PDZD2: variants seen among roughly 807,000 people sequenced by gnomAD.
PDZD2 encodes PDZ domain containing 2.
In PDZD2, 90 loss-of-function variants were observed where a neutral mutation model predicts 220.7. That is an observed-to-expected ratio of 0.41 (90% CI 0.34 to 0.49). The LOEUF is 0.49. Among genes scored for constraint, PDZD2 ranks in the 20% least tolerant of loss-of-function variants. The pLI is 0.28. For missense variants in PDZD2, 3,174 were observed against 3,608.5 expected, an observed-to-expected ratio of 0.88 and a Z score of 3.08; for synonymous variants, 1,375 against 1,450.5, an observed-to-expected ratio of 0.95 and a Z score of 1.18.
chr5:32,037,128 G>A, intron 6 of PDZD2, 103 bp from the exon 7 acceptor site: 1 of 711,826 alleles, frequency 1.4e-6, no homozygotes, highest in East Asian at 2.5e-5. Flanking sequence ...CATAACACCT[G>A]TATTGCTGCT....
intron 8 of PDZD2, among the ~76,000 whole-genome samples, chr5:32,051,371 T>G (rs1035440117): frequency 6.6e-6 from 1 of 152,168 alleles, no homozygotes; most frequent in Non-Finnish European, 1.5e-5. Context: ...AAAGAAATAA[T>G]AATAATTGTT....
At chr5:31,739,666 A>G (rs546118988) in intron 1 of PDZD2, among the ~76,000 whole-genome samples, 2 of 152,344 alleles carry the variant, frequency 1.3e-5, no homozygotes, top group South Asian at 2.1e-4. Context: ...ATTCCTCCCT[A>G]AAGAGCTGAA....
Position 32,108,733 on chromosome 5 carries a change from A to C in PDZD2, c.*598A>C. The C allele has an allele frequency of 6.5e-6, 1 of 152,708 alleles. No homozygotes were observed. Among genetic ancestry groups the C allele is most frequent in the Non-Finnish European group, 1.5e-5 (1 of 68,070 alleles). 9.5% of individuals were successfully genotyped at this position (152,708 alleles called of 1,614,324 possible). A position where few individuals can be genotyped will look rare whatever the true frequency, so the allele number is the denominator to read the frequency against. On this transcript the variant is annotated 3_prime_UTR_variant, in exon 25 of 25. Transcript: ENST00000438447. ...CTCAGGAATTGTCCAAAAAGGAAAA[A>C]GCAAAATAATTAATTGAGAGTATTT...
intron 23 of PDZD2, chr5:32,100,538 A>T (rs992702078): frequency 3.1e-6 from 1 of 324,990 alleles, no homozygotes; most frequent in East Asian, 8.3e-5. Flanking sequence ...AGACAGCCAT[A>T]GCCAGGGGCA....
At chr5:31,738,877 TA>T (rs1750066459) in intron 1 of PDZD2, among the ~76,000 whole-genome samples, 1 of 148,542 alleles carries the variant, frequency 6.7e-6, no homozygotes, top group Non-Finnish European at 1.5e-5. Flanking sequence ...ACAGGATTTT[TA>T]AATATATATA....
At chr5:31,981,160 T>A (rs575982182) in intron 2 of PDZD2, among the ~76,000 whole-genome samples, 1 of 152,224 alleles carries the variant, frequency 6.6e-6, no homozygotes, top group South Asian at 2.1e-4. Context: ...GTATCTTTTA[T>A]CTGCCTGTTT....
intron 6 of PDZD2, among the ~76,000 whole-genome samples, chr5:32,017,369 G>A (rs2066439454): frequency 2.0e-5 from 3 of 151,922 alleles, no homozygotes; most frequent in Non-Finnish European, 4.4e-5. Context: ...AACCCCGGAG[G>A]CAGACGTGGC....
chr5:31,838,116 G>A (rs1006248442), intron 2 of PDZD2, among the ~76,000 whole-genome samples: 31 of 152,240 alleles, frequency 2.0e-4, no homozygotes, highest in Admixed American at 1.6e-3. Context: ...GGAGTGCAGT[G>A]GCATGATCTC....
intron 7 of PDZD2, among the ~76,000 whole-genome samples, chr5:32,041,272 C>T (rs894434944): frequency 1.3e-5 from 2 of 151,804 alleles, no homozygotes; most frequent in Non-Finnish European, 2.9e-5. Flanking sequence ...CTCTGCCTGG[C>T]CGCCCCGTCT....
At position 31,881,728 on chromosome 5, in the gene PDZD2, T is replaced by G. The variant is rs114276255; in HGVS notation, c.476+82004T>G. On this transcript the variant is annotated intron_variant, in intron 2 of 24. Transcript: ENST00000438447. ...CACATATATATATACACACACATTT[T>G]TTTTTGAGATGGTGTCTCACTCTGT... Among the ~76,000 whole-genome samples the G allele has an allele frequency of 6.5e-3, 987 of 151,642 alleles. 10 individuals are homozygous for G. The highest frequency in any genetic ancestry group is 0.022 in the African/African-American group (914 of 41,270).
At chr5:31,912,199 G>A (rs1043256757) in intron 2 of PDZD2, among the ~76,000 whole-genome samples, 8 of 152,154 alleles carry the variant, frequency 5.3e-5, no homozygotes, top group African/African-American at 1.9e-4. Context: ...CCAAGATCCA[G>A]GTATTAGCTG....
At chr5:32,101,368 A>T in intron 24 of PDZD2, 129 bp downstream of exon 24, 1 of 866,976 alleles carries the variant, frequency 1.2e-6, no homozygotes, top group South Asian at 1.8e-5. Flanking sequence ...GTGACATACA[A>T]GGTTTATTCT....
chr5:31,689,949 G>C (rs948216165), intron 1 of PDZD2, among the ~76,000 whole-genome samples: 2 of 152,152 alleles, frequency 1.3e-5, no homozygotes, highest in South Asian at 2.1e-4. Flanking sequence ...ATAGGCCCAT[G>C]TGAGCTATCT....
chr5:31,782,414 G>A (rs2150210636), intron 1 of PDZD2, among the ~76,000 whole-genome samples: 1 of 152,218 alleles, frequency 6.6e-6, no homozygotes, highest in South Asian at 2.1e-4. Context: ...CCCTACATGG[G>A]TGGGAAATGA....
chr5:31,984,204 A>G (rs549890965), intron 3 of PDZD2, among the ~76,000 whole-genome samples: 1 of 152,328 alleles, frequency 6.6e-6, no homozygotes, highest in South Asian at 2.1e-4. Flanking sequence ...GCTGAGTTCT[A>G]GGGAAGTTTG....
At chr5:31,712,431 C>T (rs1748171257) in intron 1 of PDZD2, among the ~76,000 whole-genome samples, 2 of 149,012 alleles carry the variant, frequency 1.3e-5, no homozygotes. Flanking sequence ...TCAGCTGGGG[C>T]ACTGGGATGG....
chr5:31,693,956 T>C (rs1263878519), intron 1 of PDZD2, among the ~76,000 whole-genome samples: 1 of 152,212 alleles, frequency 6.6e-6, no homozygotes, highest in East Asian at 1.9e-4. Flanking sequence ...AGGGATTTCA[T>C]ATGTCAAAGC....
rs760162821 is a variant in PDZD2, at chr5:32,074,038, A to G, written c.2932A>G (p.Arg978Gly). 3.1e-6 allele frequency: 5 copies of G among 1,614,034 alleles called. No homozygotes were observed. The African/African-American group carries it at 6.7e-5, about 22-fold the overall frequency. ...TGCCAGTGATGAGGAAGAGTTTGAC[A>G]GAGAAGGGGACTGCATTTCACTCCC... ...NDASDEEEFD[R>G]EGDCISLPGA... Residue 978 changes from arginine (R) to glycine (G), a missense_variant, in exon 18 of 25, where the codon AGA becomes GGA. Transcript: ENST00000438447.
intron 1 of PDZD2, among the ~76,000 whole-genome samples, chr5:31,699,509 G>C (rs377620500): frequency 2.0e-5 from 3 of 152,268 alleles, no homozygotes; most frequent in African/African-American, 7.2e-5. Flanking sequence ...AGCGCTTTGG[G>C]AGGCTGAAGC....
Sources: allele counts gnomAD v4.1 joint callset (sites outside exome capture counted in the v4.1 genomes callset), GRCh38; gene constraint gnomAD v4.1.1; transcripts MANE v1.5; gene names NCBI Gene and HGNC (gene_info 2026-07-23, HGNC 2026-07-21).